Variants in SDK1 observed in about 807,000 individuals in gnomAD.
SDK1 encodes protein sidekick-1.
Under a neutral mutation model 245.5 loss-of-function variants are expected in SDK1, and 157 were observed. The observed-to-expected ratio is 0.64, with a 90% CI of 0.56 to 0.73. The LOEUF (loss-of-function observed/expected upper bound fraction) is 0.73, where lower values mean the gene tolerates loss of function less well. Among genes scored for constraint, SDK1 ranks in the 30% least tolerant of loss-of-function variants. The pLI is 0.00. For missense variants in SDK1, 3,583 were observed against 3,002.3 expected, an observed-to-expected ratio of 1.19 and a Z score of -4.52; for synonymous variants, 1,647 against 1,278.5, an observed-to-expected ratio of 1.29 and a Z score of -6.15.
chr7:3,809,836 G>T (rs11981828), intron 4 of SDK1, among the ~76,000 whole-genome samples: 2,603 of 152,238 alleles, frequency 0.017, 81 homozygotes, highest in African/African-American at 0.059. Context: ...GCCTCGTTCC[G>T]CAGAAAGTGA....
chr7:3,797,183 T>G (rs1431832211), intron 4 of SDK1, among the ~76,000 whole-genome samples: 1 of 151,886 alleles, frequency 6.6e-6, no homozygotes, highest in Non-Finnish European at 1.5e-5. Context: ...ATTTTTAAAT[T>G]TTCGTAGAGA....
intron 1 of SDK1, among the ~76,000 whole-genome samples, chr7:3,309,245 T>G (rs1270612583): frequency 2.0e-5 from 3 of 152,106 alleles, no homozygotes; most frequent in African/African-American, 7.2e-5. Flanking sequence ...ATGAAAGAGA[T>G]TTTGATAGGG....
chr7:3,556,118 A>G (rs550546359), intron 1 of SDK1, among the ~76,000 whole-genome samples: 2 of 152,220 alleles, frequency 1.3e-5, no homozygotes, highest in African/African-American at 2.4e-5. Context: ...CTGTACTTCT[A>G]TGTTTTTTGC....
At chr7:3,888,942 T>C (rs1781396374) in intron 5 of SDK1, among the ~76,000 whole-genome samples, 1 of 152,246 alleles carries the variant, frequency 6.6e-6, no homozygotes, top group African/African-American at 2.4e-5. Flanking sequence ...ACTATGGCTC[T>C]TTATTATTTT....
chr7:4,024,471 A>T (rs1459482735), intron 17 of SDK1, among the ~76,000 whole-genome samples: 1 of 152,222 alleles, frequency 6.6e-6, no homozygotes, highest in Non-Finnish European at 1.5e-5. Flanking sequence ...GTAAAAACTG[A>T]ACAAAATAGA....
intron 30 of SDK1, among the ~76,000 whole-genome samples, chr7:4,152,262 G>A (rs887782402): frequency 6.6e-6 from 1 of 152,142 alleles, no homozygotes; most frequent in Non-Finnish European, 1.5e-5. Flanking sequence ...AACAGAACTC[G>A]AGGGGCACAG....
intron 2 of SDK1, among the ~76,000 whole-genome samples, chr7:3,630,197 A>G (rs1782247905): frequency 6.6e-6 from 1 of 152,230 alleles, no homozygotes; most frequent in South Asian, 2.1e-4. Flanking sequence ...AGTCAGAGGA[A>G]AAATATTTGA....
At position 4,158,320 on chromosome 7, in the gene SDK1, C is replaced by A. The variant is rs1780898450; in HGVS notation, c.4626-128C>A. Reference sequence around the variant, plus strand: ...CCTCCTTGCTAAGCTGTCTCGGGCCCACACAGGAGCCCAGAGCTCTCAGGG... The same window carrying A: ...CCTCCTTGCTAAGCTGTCTCGGGCCAACACAGGAGCCCAGAGCTCTCAGGG... On this transcript the variant is annotated intron_variant, in intron 30 of 44. Transcript: ENST00000404826. 3 of 700,640 alleles carry A rather than the reference C, an allele frequency of 4.3e-6. No individual in the cohort carries two copies. In the South Asian group the frequency reaches 5.5e-5, roughly 13 times the overall value. The allele number at this position is 700,640 out of a possible 1,614,324, so 43.4% of individuals were successfully genotyped here.
At chr7:3,786,871 C>T (rs1461491841) in intron 4 of SDK1, among the ~76,000 whole-genome samples, 1 of 151,980 alleles carries the variant, frequency 6.6e-6, no homozygotes, top group Non-Finnish European at 1.5e-5. Context: ...CCTGCAGCTC[C>T]CCCACACCCC....
At chr7:3,945,667 A>G (rs1488564028) in intron 5 of SDK1, among the ~76,000 whole-genome samples, 1 of 152,080 alleles carries the variant, frequency 6.6e-6, no homozygotes, top group East Asian at 1.9e-4. Context: ...AGGCCAAGGC[A>G]GGCGGATCAC....
intron 4 of SDK1, among the ~76,000 whole-genome samples, chr7:3,715,876 A>G (rs1265310703): frequency 1.3e-5 from 2 of 152,244 alleles, no homozygotes; most frequent in Non-Finnish European, 2.9e-5. Context: ...CCATCATAAA[A>G]GGGCGTCAGC....
intron 1 of SDK1, among the ~76,000 whole-genome samples, chr7:3,408,579 T>A (rs998447150): frequency 6.6e-6 from 1 of 152,204 alleles, no homozygotes; most frequent in African/African-American, 2.4e-5. Flanking sequence ...TGTTTTGTTA[T>A]TCAAGGGGAT....
intron 4 of SDK1, chr7:3,643,486 CT>C (rs1782718552): frequency 6.7e-6 from 1 of 149,762 alleles, no homozygotes; most frequent in Non-Finnish European, 1.5e-5. Flanking sequence ...TCCTCTCCCA[CT>C]CCCACCTGAG....
At chr7:4,076,456 T>C (rs1484983608) in intron 20 of SDK1, among the ~76,000 whole-genome samples, 1 of 152,094 alleles carries the variant, frequency 6.6e-6, no homozygotes, top group African/African-American at 2.4e-5. Flanking sequence ...CTCAGGACGC[T>C]GAGGTGGGAG....
At chr7:3,749,117 A>G (rs914775398) in intron 4 of SDK1, among the ~76,000 whole-genome samples, 1 of 152,184 alleles carries the variant, frequency 6.6e-6, no homozygotes, top group Non-Finnish European at 1.5e-5. Context: ...TACATGAAAG[A>G]AGGTTAAGGA....
intron 21 of SDK1, among the ~76,000 whole-genome samples, chr7:4,078,159 G>A (rs1460935325): frequency 1.3e-5 from 2 of 152,178 alleles, no homozygotes; most frequent in Non-Finnish European, 2.9e-5. Context: ...CCAAGGTGCA[G>A]GGAGGCACTG....
chr7:3,609,015 C>T (rs1312898961), intron 1 of SDK1, among the ~76,000 whole-genome samples: 1 of 151,964 alleles, frequency 6.6e-6, no homozygotes, highest in African/African-American at 2.4e-5. Flanking sequence ...TTAAGCTAGA[C>T]ACTGGAAAAA....
intron 4 of SDK1, among the ~76,000 whole-genome samples, chr7:3,656,773 CT>C (rs1205775098): frequency 6.8e-6 from 1 of 148,072 alleles, no homozygotes; most frequent in Non-Finnish European, 1.5e-5. Context: ...CGGAGTCTCG[CT>C]CTGTCGCCCA....
At chr7:3,595,927 C>T (rs557391195) in intron 1 of SDK1, among the ~76,000 whole-genome samples, 4 of 145,442 alleles carry the variant, frequency 2.8e-5, no homozygotes, top group Admixed American at 2.1e-4. Context: ...CACTCTGGCT[C>T]GGTGTTTTAA....
Sources: allele counts gnomAD v4.1 joint callset (sites outside exome capture counted in the v4.1 genomes callset), GRCh38; gene constraint gnomAD v4.1.1; transcripts MANE v1.5; gene names NCBI Gene and HGNC (gene_info 2026-07-23, HGNC 2026-07-21).